COL25A1: variants seen among roughly 807,000 people sequenced by gnomAD.
COL25A1 encodes the protein collagen alpha-1(XXV) chain.
In COL25A1, 103 loss-of-function variants were observed where a neutral mutation model predicts 128.4. That is an observed-to-expected ratio of 0.80 (90% CI 0.68 to 0.94). The LOEUF is 0.94. Ranked by LOEUF, COL25A1 falls within the 40% of genes least tolerant of loss-of-function variation. COL25A1 has a pLI of 0.00. For missense variants in COL25A1, 745 were observed against 840.0 expected (o/e 0.89, Z 1.40); for synonymous variants, 279 against 277.2 (o/e 1.01, Z -0.06).
At chr4:109,012,914 G>T (rs967720949) in intron 5 of COL25A1, among the ~76,000 whole-genome samples, 2 of 152,242 alleles carry the variant, frequency 1.3e-5, no homozygotes, top group African/African-American at 4.8e-5. Context: ...CGATCCACTA[G>T]GCGAAGCCAG....
chr4:108,839,257 T>C (rs1324507503), intron 31 of COL25A1, among the ~76,000 whole-genome samples: 1 of 152,154 alleles, frequency 6.6e-6, no homozygotes, highest in African/African-American at 2.4e-5. Flanking sequence ...GTGATTCTTA[T>C]CAGGAAATTC....
In COL25A1 at chr4:109,121,889, G is replaced by A. The variant is rs144918088; in HGVS notation, c.368-71710C>T. Among the ~76,000 whole-genome samples the A allele has an allele frequency of 8.9e-3, 1,359 of 152,132 alleles. 14 individuals carry two copies. Among genetic ancestry groups the A allele is most frequent in the African/African-American group, 0.022 (903 of 41,520 alleles). ...AAATAATCAAGATGTCCTTCAATAGGTGAAAGGATAAACTGTGATACATCC... is the reference window on the plus strand; with the variant it reads ...AAATAATCAAGATGTCCTTCAATAGATGAAAGGATAAACTGTGATACATCC... On this transcript the variant is annotated intron_variant, in intron 3 of 37. Coordinates refer to ENST00000399132, the MANE Select transcript of COL25A1 (RefSeq NM_198721.4).
At chr4:108,891,811 T>C (rs1177338089) in intron 16 of COL25A1, among the ~76,000 whole-genome samples, 1 of 152,064 alleles carries the variant, frequency 6.6e-6, no homozygotes, top group African/African-American at 2.4e-5. Context: ...GCTGCTTGTA[T>C]TAATTGTAGT....
intron 10 of COL25A1, among the ~76,000 whole-genome samples, chr4:108,939,832 T>A (rs1245689460): frequency 1.3e-5 from 2 of 152,164 alleles, no homozygotes; most frequent in African/African-American, 4.8e-5. Context: ...CTCTATGAAA[T>A]CAAACCATTT....
At chr4:108,820,508 C>A (rs1560697037) in intron 35 of COL25A1, among the ~76,000 whole-genome samples, 1 of 152,112 alleles carries the variant, frequency 6.6e-6, no homozygotes, top group East Asian at 1.9e-4. Context: ...TACAGCAAAA[C>A]TTTTTTTAAA....
rs958784974 is a variant in COL25A1, at chr4:108,844,575, T to C, written c.1579-6A>G. The C allele has an allele frequency of 6.2e-7, 1 of 1,607,128 alleles. No homozygotes were observed. Among genetic ancestry groups the C allele is most frequent in the Non-Finnish European group, 8.5e-7 (1 of 1,178,200 alleles). ...GGGCCTGGTGGGCCTATGATCTGTA[T>C]GTCCAAAAAATAAAAATGTATTTGG... is the stretch of plus-strand genomic sequence containing the variant. On this transcript the variant is annotated splice_region_variant and splice_polypyrimidine_tract_variant and intron_variant, in intron 29 of 37. Transcript: ENST00000399132.
intron 3 of COL25A1, among the ~76,000 whole-genome samples, chr4:109,246,509 A>G (rs1374841492): frequency 1.3e-5 from 2 of 152,136 alleles, no homozygotes; most frequent in Admixed American, 1.3e-4. Context: ...GTGATTTGAT[A>G]TTTTACTGTA....
At chr4:108,849,422 T>C (rs1343604952) in intron 26 of COL25A1, among the ~76,000 whole-genome samples, 1 of 152,222 alleles carries the variant, frequency 6.6e-6, no homozygotes, top group African/African-American at 2.4e-5. Flanking sequence ...GTGCTATGAA[T>C]GAACTAAAAT....
At chr4:109,193,943 G>A (rs1317318200) in intron 3 of COL25A1, among the ~76,000 whole-genome samples, 7 of 152,204 alleles carry the variant, frequency 4.6e-5, no homozygotes, top group Non-Finnish European at 1.0e-4. Flanking sequence ...ACTGAAAAGG[G>A]AGAGAAGAAA....
intron 3 of COL25A1, among the ~76,000 whole-genome samples, chr4:109,109,369 T>C (rs1208477709): frequency 6.6e-6 from 1 of 152,202 alleles, no homozygotes; most frequent in Non-Finnish European, 1.5e-5. Flanking sequence ...AGAATATATA[T>C]TTCCCTTTCC....
intron 24 of COL25A1, among the ~76,000 whole-genome samples, chr4:108,856,596 G>A (rs1185738622): frequency 6.6e-6 from 1 of 152,044 alleles, no homozygotes; most frequent in Non-Finnish European, 1.5e-5. Flanking sequence ...CAATAGTTTT[G>A]ATGTGAAAAG....
intron 3 of COL25A1, among the ~76,000 whole-genome samples, chr4:109,054,677 T>C (rs1285467119): frequency 6.6e-6 from 1 of 152,150 alleles, no homozygotes; most frequent in Admixed American, 6.5e-5. Context: ...GTAGAAAATA[T>C]TCCAAAAAAT....
At chr4:109,000,118 TA>T (rs925214663) in intron 6 of COL25A1, among the ~76,000 whole-genome samples, 2 of 149,012 alleles carry the variant, frequency 1.3e-5, no homozygotes, top group African/African-American at 2.5e-5. Context: ...AGTATAACAA[TA>T]AAAAAAAGCT....
At chr4:109,189,088 C>T (rs1775375150) in intron 3 of COL25A1, among the ~76,000 whole-genome samples, 1 of 151,954 alleles carries the variant, frequency 6.6e-6, no homozygotes, top group African/African-American at 2.4e-5. Context: ...TGTATTCTAT[C>T]ATGTATAATT....
intron 6 of COL25A1, among the ~76,000 whole-genome samples, chr4:108,979,664 G>C (rs1752768956): frequency 6.6e-6 from 1 of 152,156 alleles, no homozygotes; most frequent in Admixed American, 6.5e-5. Context: ...GAATAGATAA[G>C]TTTATTTTTA....
chr4:109,198,817 T>C (rs1776325584), intron 3 of COL25A1, among the ~76,000 whole-genome samples: 1 of 152,234 alleles, frequency 6.6e-6, no homozygotes, highest in Non-Finnish European at 1.5e-5. Context: ...AGACTTCTAA[T>C]ATGTACATTT....
At chr4:109,137,230 T>C (rs1313533598) in intron 3 of COL25A1, among the ~76,000 whole-genome samples, 58 of 152,226 alleles carry the variant, frequency 3.8e-4, no homozygotes, top group Non-Finnish European at 1.5e-5. Context: ...GAAAGAAAGA[T>C]GAAATGTTCC....
At chr4:108,921,353 G>T (rs950370450) in intron 11 of COL25A1, among the ~76,000 whole-genome samples, 2 of 152,068 alleles carry the variant, frequency 1.3e-5, no homozygotes, top group Non-Finnish European at 2.9e-5. Flanking sequence ...TTAGAGCAAG[G>T]CATGGCTTTG....
At chr4:109,271,028 G>C (rs1782159216) in intron 3 of COL25A1, among the ~76,000 whole-genome samples, 1 of 152,134 alleles carries the variant, frequency 6.6e-6, no homozygotes, top group Non-Finnish European at 1.5e-5. Context: ...CAAGCCCAGA[G>C]AGTGGGTAAA....
Sources: gnomAD v4.1 joint callset for allele counts (sites outside exome capture counted in the v4.1 genomes callset) on GRCh38, gnomAD v4.1.1 for gene constraint, MANE v1.5 for transcripts, NCBI Gene and HGNC (gene_info 2026-07-23, HGNC 2026-07-21) for gene names.